The following ACYP2 variants were observed in gnomAD, a reference collection of about 807,000 sequenced individuals.
ACYP2 encodes acylphosphatase 2.
Under a neutral mutation model 11.2 loss-of-function variants are expected in ACYP2, and 12 were observed. The observed-to-expected ratio is 1.08, with a 90% confidence interval of 0.69 to 1.74. The LOEUF is 1.74. Among genes scored for constraint, ACYP2 ranks in the 40% most tolerant of loss-of-function variants. ACYP2 has a pLI of 0.00. For synonymous variants in ACYP2, 43 were observed against 32.2 expected, an observed-to-expected ratio of 1.33 and a Z score of -1.13; for missense variants, 134 against 101.9, an observed-to-expected ratio of 1.31 and a Z score of -1.35.
intron 4 of ACYP2, among the ~76,000 whole-genome samples, chr2:54,087,900 G>T (rs1013473314): frequency 7.5e-6 from 1 of 133,754 alleles, no homozygotes; most frequent in Admixed American, 7.5e-5. Context: ...CTCTCACACA[G>T]ATTAAGGATA....
intron 6 of ACYP2, among the ~76,000 whole-genome samples, chr2:54,154,113 T>C (rs148894076): frequency 6.6e-6 from 1 of 152,266 alleles, no homozygotes; most frequent in East Asian, 1.9e-4. Flanking sequence ...AGATAGTCTG[T>C]TGCTAGTGTA....
intron 6 of ACYP2, among the ~76,000 whole-genome samples, chr2:54,241,554 G>C (rs1364189177): frequency 6.7e-6 from 1 of 150,128 alleles, no homozygotes; most frequent in Non-Finnish European, 1.5e-5. Flanking sequence ...AAGTTTTGCA[G>C]TTTTTTTTTT....
chr2:54,288,213 A>G (rs843728), intron 6 of ACYP2, among the ~76,000 whole-genome samples: 89,027 of 151,736 alleles, frequency 0.59, 27,320 homozygotes, highest in African/African-American at 0.75. Flanking sequence ...TTAAGTGATA[A>G]GCTTTCCCTT....
chr2:54,238,405 G>C (rs1686591008), intron 6 of ACYP2, among the ~76,000 whole-genome samples: 1 of 152,122 alleles, frequency 6.6e-6, no homozygotes, highest in Non-Finnish European at 1.5e-5. Flanking sequence ...GAGAATGAAT[G>C]AATGATTAAT....
At chr2:54,189,552 CTCTATAAT>C (rs1332372903) in intron 6 of ACYP2, among the ~76,000 whole-genome samples, 1 of 151,668 alleles carries the variant, frequency 6.6e-6, no homozygotes, top group Non-Finnish European at 1.5e-5. Flanking sequence ...CCTATATTCT[CTCTATAAT>C]TCTATTATAT....
At chr2:54,178,061 C>T (rs1010103631) in intron 6 of ACYP2, among the ~76,000 whole-genome samples, 14 of 150,874 alleles carry the variant, frequency 9.3e-5, no homozygotes, top group African/African-American at 3.4e-4. Flanking sequence ...CTTGCCATCA[C>T]ATCCGGCTAA....
In ACYP2 at chr2:53,973,755, C is replaced by T. The variant is rs1573416516; in HGVS notation, c.7C>T (p.Leu3Phe). ...CCAGGTGAAATAAACAGCCATGTTG[C>T]TCACACAAAGCCTGTTTGGTGGTCT... Residue 3 changes from leucine (L) to phenylalanine (F), a missense_variant, in exon 2 of 7, where the codon CTC becomes TTC. Physicochemically the swap from Leu to Phe is conservative, Grantham distance 22. Coordinates refer to ENST00000607452, the MANE Select transcript of ACYP2 (RefSeq NM_001320586.2). 1 of 345,476 alleles carries T rather than the reference C, an allele frequency of 2.9e-6. No individual in the cohort carries two copies. Among genetic ancestry groups the T allele is most frequent in the Non-Finnish European group, 5.2e-6 (1 of 192,390 alleles). The allele number at this position is 345,476 out of a possible 1,614,324, so 21.4% of individuals were successfully genotyped here.
intron 4 of ACYP2, among the ~76,000 whole-genome samples, chr2:54,083,283 C>A (rs142799735): frequency 6.6e-6 from 1 of 152,138 alleles, no homozygotes; most frequent in Non-Finnish European, 1.5e-5. Context: ...CTAATCAATA[C>A]GGCCATTAGC....
chr2:54,270,982 C>T (rs1179874640), intron 6 of ACYP2, among the ~76,000 whole-genome samples: 2 of 152,158 alleles, frequency 1.3e-5, no homozygotes, highest in African/African-American at 2.4e-5. Context: ...AATTCTTTAT[C>T]ATTTTCTTTA....
intron 2 of ACYP2, among the ~76,000 whole-genome samples, chr2:54,030,427 T>A (rs1182317036): frequency 6.6e-6 from 1 of 152,210 alleles, no homozygotes; most frequent in Non-Finnish European, 1.5e-5. Context: ...CTAGCTTTGA[T>A]GTCTGGGCAC....
chr2:54,006,541 G>T (rs966985280), intron 2 of ACYP2, among the ~76,000 whole-genome samples: 1 of 152,042 alleles, frequency 6.6e-6, no homozygotes, highest in Non-Finnish European at 1.5e-5. Context: ...CTCCTGCTTC[G>T]GCCCTCCAAA....
chr2:54,051,056 A>T lies in ACYP2; in HGVS notation c.155+6A>T, dbSNP rs1180438414. The T allele has an allele frequency of 2.0e-6, 1 of 502,464 alleles. No individual in the cohort carries two copies. The highest frequency in any genetic ancestry group is 3.5e-6 in the Non-Finnish European group (1 of 287,158). 31.1% of individuals were successfully genotyped at this position (502,464 alleles called of 1,614,324 possible). A position where few individuals can be genotyped will look rare whatever the true frequency, so the allele number is the denominator to read the frequency against. ...CCATGCTGTTGGGATTACAGGTGAGAACCACCGTCCTTGGTCACAAATTCC... is the reference window on the plus strand; with the variant it reads ...CCATGCTGTTGGGATTACAGGTGAGTACCACCGTCCTTGGTCACAAATTCC... On this transcript the variant is annotated splice_donor_region_variant and intron_variant, in intron 3 of 6. Transcript: ENST00000607452.
At chr2:54,245,876 C>A (rs1447327191) in intron 6 of ACYP2, among the ~76,000 whole-genome samples, 1 of 151,908 alleles carries the variant, frequency 6.6e-6, no homozygotes, top group Non-Finnish European at 1.5e-5. Context: ...ATAATCTGTT[C>A]ATTTTTGCTT....
At position 53,971,293 on chromosome 2, in the gene ACYP2, T is replaced by G. The variant is rs531402911; in HGVS notation, c.-65T>G. 1 of 152,798 alleles carries G rather than the reference T, an allele frequency of 6.5e-6. No homozygotes were observed. The highest frequency in any genetic ancestry group is 2.1e-4 in the South Asian group (1 of 4,852). The allele number at this position is 152,798 out of a possible 1,614,324, so 9.5% of individuals were successfully genotyped here. ...CACTCCAAGCGGCAGCCCACTGGAGTCCCAGTCGCCACGACAGGCGGCAGC... is the reference window on the plus strand; with the variant it reads ...CACTCCAAGCGGCAGCCCACTGGAGGCCCAGTCGCCACGACAGGCGGCAGC... On this transcript the variant is annotated 5_prime_UTR_variant, in exon 1 of 7. Coordinates refer to ENST00000607452, the MANE Select transcript of ACYP2 (RefSeq NM_001320586.2).
intron 6 of ACYP2, among the ~76,000 whole-genome samples, chr2:54,297,970 T>C (rs542193302): frequency 2.0e-5 from 3 of 152,188 alleles, no homozygotes; most frequent in Admixed American, 1.3e-4. Flanking sequence ...TAAACTCTAA[T>C]AGAATGTATG....
chr2:54,116,968 C>G (rs1462917958), intron 4 of ACYP2, among the ~76,000 whole-genome samples: 1 of 152,044 alleles, frequency 6.6e-6, no homozygotes, highest in African/African-American at 2.4e-5. Flanking sequence ...AGCAGGTGAC[C>G]AGGGGTGACT....
chr2:54,065,912 G>A (rs759718169), intron 4 of ACYP2: 23 of 164,354 alleles, frequency 1.4e-4, no homozygotes, highest in African/African-American at 3.1e-4. Flanking sequence ...GCTGCTTACC[G>A]GTGTTCAGAG....
chr2:54,192,249 C>T (rs752201476), intron 6 of ACYP2, among the ~76,000 whole-genome samples: 2 of 151,966 alleles, frequency 1.3e-5, no homozygotes, highest in Non-Finnish European at 2.9e-5. Flanking sequence ...GAAAGTATGT[C>T]CTTCTTTTTA....
intron 4 of ACYP2, among the ~76,000 whole-genome samples, chr2:54,125,566 A>G (rs1680441314): frequency 6.6e-6 from 1 of 151,504 alleles, no homozygotes; most frequent in Non-Finnish European, 1.5e-5. Flanking sequence ...CCTGGCCAAC[A>G]TGGTGAAACC....
Sources: gnomAD v4.1 joint callset for allele counts (sites outside exome capture counted in the v4.1 genomes callset) on GRCh38, gnomAD v4.1.1 for gene constraint, MANE v1.5 for transcripts, NCBI Gene and HGNC (gene_info 2026-07-23, HGNC 2026-07-21) for gene names.